Variants in FRMPD4 observed in about 807,000 individuals in gnomAD.
FRMPD4 encodes the protein FERM and PDZ domain-containing protein 4.
In FRMPD4, 22 loss-of-function variants were observed where a neutral mutation model predicts 94.1. That is an observed-to-expected ratio of 0.23 (90% CI 0.17 to 0.33). The LOEUF (loss-of-function observed/expected upper bound fraction) is 0.33. Among genes scored for constraint, FRMPD4 ranks in the 10% least tolerant of loss-of-function variants. The pLI, the probability that FRMPD4 is intolerant of heterozygous loss-of-function variation, is 1.00. For synonymous variants in FRMPD4, 631 were observed against 548.6 expected, an observed-to-expected ratio of 1.15 and a Z score of -2.10; for missense variants, 1,111 against 1,339.9, an observed-to-expected ratio of 0.83 and a Z score of 2.67.
chrX:12,583,851 G>A (rs1490056894), intron 2 of FRMPD4, among the ~76,000 whole-genome samples: 1 of 112,040 alleles, frequency 8.9e-6, no homozygotes, highest in Non-Finnish European at 1.9e-5. Context: ...CTCTTCTAGG[G>A]AACAACCGGT....
intron 4 of FRMPD4, among the ~76,000 whole-genome samples, chrX:12,666,101 C>CAAAAAA (rs59803800): frequency 1.1e-5 from 1 of 89,073 alleles, no homozygotes; most frequent in Non-Finnish European, 2.2e-5. Flanking sequence ...AAATGGAAAG[C>CAAAAAA]AAAAAAAAAA....
chrX:12,225,260 A>T (rs1395272259), intron 1 of FRMPD4, among the ~76,000 whole-genome samples: 2 of 112,338 alleles, frequency 1.8e-5, no homozygotes. Flanking sequence ...ATAAAATGTT[A>T]CTTGCACGTA....
At chrX:12,269,133 T>C (rs1411384111) in intron 1 of FRMPD4, among the ~76,000 whole-genome samples, 1 of 111,692 alleles carries the variant, frequency 9.0e-6, no homozygotes, top group Non-Finnish European at 1.9e-5. Flanking sequence ...GTGAAAAGGC[T>C]GAGGTTGTAG....
At chrX:11,982,004 A>G (rs1435463562) in intron 3 of FRMPD4, among the ~76,000 whole-genome samples, 1 of 111,795 alleles carries the variant, frequency 8.9e-6, no homozygotes, top group African/African-American at 3.2e-5. Context: ...TATGTGCTCA[A>G]TGGTCTATTA....
At chrX:12,211,017 T>C (rs1224398714) in intron 1 of FRMPD4, among the ~76,000 whole-genome samples, 1 of 112,243 alleles carries the variant, frequency 8.9e-6, no homozygotes, top group East Asian at 2.8e-4. Context: ...AATGAAACAG[T>C]GTTTGAATTC....
At chrX:12,262,155 C>G (rs191176255) in intron 1 of FRMPD4, among the ~76,000 whole-genome samples, 1 of 112,079 alleles carries the variant, frequency 8.9e-6, no homozygotes, top group East Asian at 2.8e-4. Context: ...ACAGCCATAC[C>G]CATTGATTTG....
chrX:12,391,614 G>C (rs2056475796), intron 1 of FRMPD4, among the ~76,000 whole-genome samples: 1 of 111,419 alleles, frequency 9.0e-6, no homozygotes. Flanking sequence ...TAACTGACTA[G>C]CTGGTGCAGA....
At chrX:11,880,289 G>T (rs2053806430) in intron 3 of FRMPD4, among the ~76,000 whole-genome samples, 1 of 111,284 alleles carries the variant, frequency 9.0e-6, no homozygotes, top group Non-Finnish European at 1.9e-5. Flanking sequence ...TCTGGTTGGG[G>T]AGATAAGTGA....
intron 3 of FRMPD4, among the ~76,000 whole-genome samples, chrX:12,049,858 C>T (rs1483373596): frequency 8.1e-5 from 9 of 110,493 alleles, no homozygotes; most frequent in African/African-American, 2.6e-4. Flanking sequence ...ATATTTGTGT[C>T]TTCATTTTTA....
chrX:12,107,344 T>G (rs1185050709), intron 3 of FRMPD4, among the ~76,000 whole-genome samples: 3 of 112,161 alleles, frequency 2.7e-5, no homozygotes, highest in African/African-American at 9.7e-5. Flanking sequence ...GGGTCATGAC[T>G]GTTAGAAGGA....
chrX:11,924,618 A>T (rs1048279753), intron 3 of FRMPD4, among the ~76,000 whole-genome samples: 1 of 112,349 alleles, frequency 8.9e-6, no homozygotes, highest in African/African-American at 3.2e-5. Flanking sequence ...ATTCTCAAAG[A>T]AAAGAAATTC....
At chrX:12,286,915 C>T (rs1465168624) in intron 1 of FRMPD4, among the ~76,000 whole-genome samples, 2 of 111,938 alleles carry the variant, frequency 1.8e-5, no homozygotes, top group Non-Finnish European at 3.8e-5. Context: ...CTTCAGGAAC[C>T]TTGAGCCTGC....
chrX:12,017,264 A>G (rs1360344596), intron 3 of FRMPD4, among the ~76,000 whole-genome samples: 1 of 112,297 alleles, frequency 8.9e-6, no homozygotes, highest in East Asian at 2.8e-4. Flanking sequence ...GAGAAGCAGA[A>G]GAGGATGGGA....
chrX:12,548,169 A>G (rs1376044936), intron 2 of FRMPD4, among the ~76,000 whole-genome samples: 5 of 111,980 alleles, frequency 4.5e-5, no homozygotes, highest in Middle Eastern at 4.2e-3. Flanking sequence ...CTCCCCTTCT[A>G]TGTTATTACT....
At chrX:11,900,530 G>T (rs2053930668) in intron 3 of FRMPD4, among the ~76,000 whole-genome samples, 1 of 111,885 alleles carries the variant, frequency 8.9e-6, no homozygotes, top group African/African-American at 3.3e-5. Context: ...TTCTGCTCTT[G>T]TGGTTGGTTG....
chrX:12,407,772 T>A (rs900797400), intron 1 of FRMPD4, among the ~76,000 whole-genome samples: 1 of 111,579 alleles, frequency 9.0e-6, no homozygotes, highest in African/African-American at 3.3e-5. Flanking sequence ...ATAGACAATA[T>A]GTACATGAGT....
chrX:12,676,143 T>C (rs2059896159), intron 5 of FRMPD4, among the ~76,000 whole-genome samples: 1 of 112,202 alleles, frequency 8.9e-6, no homozygotes, highest in East Asian at 2.8e-4. Context: ...CCCAGGATGT[T>C]AGAGAACCAC....
intron 3 of FRMPD4, among the ~76,000 whole-genome samples, chrX:11,925,755 A>T (rs5935190): frequency 9.0e-6 from 1 of 110,750 alleles, no homozygotes; most frequent in East Asian, 2.8e-4. Context: ...GCTAAGACAG[A>T]GTTAGGAGGG....
rs751098846 is a variant in FRMPD4 at position 12,524,959 on chromosome X, T to TG, written c.158+26163_158+26164insG. Among the ~76,000 whole-genome samples the TG allele has an allele frequency of 1.1e-4, 12 of 111,615 alleles. No individual in the cohort carries two copies. In the South Asian group the frequency reaches 4.6e-3, roughly 43 times the overall value. On this transcript the variant is annotated intron_variant, in intron 2 of 16. Transcript: ENST00000675598. ...TTGTGGGAAATGTTTTGCGATTCTT[T>TG]TTTTGTTTTGTTTTTAGCTCATCAG...
Sources: gnomAD v4.1 joint callset for allele counts (sites outside exome capture counted in the v4.1 genomes callset) on GRCh38, gnomAD v4.1.1 for gene constraint, MANE v1.5 for transcripts, NCBI Gene and HGNC (gene_info 2026-07-23, HGNC 2026-07-21) for gene names.